The following CORIN variants were observed in gnomAD, a reference collection of about 807,000 sequenced individuals.
The protein encoded by CORIN is atrial natriuretic peptide-converting enzyme.
A neutral mutation model predicts 125.3 loss-of-function variants in CORIN; 117 were observed. The observed-to-expected ratio is 0.93, with a 90% CI of 0.80 to 1.09. The LOEUF (loss-of-function observed/expected upper bound fraction) is 1.09, where lower values mean the gene tolerates loss of function less well. Ranked by LOEUF, CORIN falls within the 50% of genes least tolerant of loss-of-function variation. CORIN has a pLI of 0.00. For missense variants in CORIN, 1,253 were observed against 1,306.7 expected (o/e 0.96, Z 0.63); for synonymous variants, 450 against 466.4 (o/e 0.96, Z 0.45).
intron 19 of CORIN, among the ~76,000 whole-genome samples, chr4:47,619,777 C>T (rs1722224081): frequency 1.3e-5 from 2 of 152,192 alleles, no homozygotes; most frequent in African/African-American, 2.4e-5. Context: ...ATAAAGAGTG[C>T]TGTTCCCTGA....
At chr4:47,641,552 T>G (rs1723229504) in intron 16 of CORIN, among the ~76,000 whole-genome samples, 1 of 152,214 alleles carries the variant, frequency 6.6e-6, no homozygotes, top group Non-Finnish European at 1.5e-5. Context: ...TTTAAAAATG[T>G]GTGTTGCTTA....
At position 47,603,490 on chromosome 4, in the gene CORIN, A is replaced by G; in HGVS notation, c.2719T>C (p.Tyr907His). The change falls in exon 20 of 22, where the codon TAC (tyrosine) becomes CAC (histidine). Residue 907 changes from tyrosine to histidine, a missense_variant. Tyr to His is a moderately conservative substitution (Grantham distance 83, BLOSUM62 2). Transcript: ENST00000273857. Reference protein sequence around the residue: ...ELSEDISETGYVRPVCLPNPE... With the variant: ...ELSEDISETGHVRPVCLPNPE... ...TTGGGCAAGCAGACAGGCCGGACGT[A>G]GCCAGTCTCACTGATGTCTTCACTC... 2 of 1,614,184 alleles carry G rather than the reference A, an allele frequency of 1.2e-6. No individual in the cohort carries two copies. Among genetic ancestry groups the G allele is most frequent in the African/African-American group, 1.3e-5 (1 of 75,036 alleles).
chr4:47,794,059 A>G (rs1476763463), intron 2 of CORIN, among the ~76,000 whole-genome samples: 1 of 152,216 alleles, frequency 6.6e-6, no homozygotes, highest in African/African-American at 2.4e-5. Context: ...GTGAATCTGC[A>G]ACAGAAAGCC....
At chr4:47,597,894 T>A (rs1233869857) in intron 21 of CORIN, among the ~76,000 whole-genome samples, 2 of 152,194 alleles carry the variant, frequency 1.3e-5, no homozygotes, top group East Asian at 3.8e-4. Context: ...GTAACAAGGA[T>A]AACCACATGA....
chr4:47,601,748 A>T (rs1315174924), intron 20 of CORIN, among the ~76,000 whole-genome samples: 2 of 152,206 alleles, frequency 1.3e-5, no homozygotes, highest in African/African-American at 2.4e-5. Flanking sequence ...TGGTGACAGC[A>T]TGTCTAACAT....
intron 10 of CORIN, among the ~76,000 whole-genome samples, chr4:47,669,595 G>C (rs1445376603): frequency 2.7e-5 from 4 of 147,072 alleles, no homozygotes; most frequent in Non-Finnish European, 5.9e-5. Context: ...TTGTGACAGA[G>C]TCTCGCTCTG....
chr4:47,668,611 T>C (rs1661763296), intron 10 of CORIN, among the ~76,000 whole-genome samples: 1 of 152,240 alleles, frequency 6.6e-6, no homozygotes, highest in South Asian at 2.1e-4. Flanking sequence ...TTTCTTTCCT[T>C]GTGCATACCC....
intron 1 of CORIN, among the ~76,000 whole-genome samples, chr4:47,825,056 G>A (rs188395515): frequency 3.5e-4 from 53 of 152,318 alleles, no homozygotes; most frequent in Middle Eastern, 3.4e-3. Context: ...GCTGGCCTGT[G>A]GCAAATGAGG....
intron 4 of CORIN, among the ~76,000 whole-genome samples, chr4:47,758,025 T>TGCCTCA (rs1232403068): frequency 5.1e-4 from 77 of 151,758 alleles, no homozygotes; most frequent in African/African-American, 1.8e-3. Context: ...GCCATCCTCC[T>TGCCTCA]GCCTCAGCCT....
chr4:47,772,287 G>A (rs959620798), intron 3 of CORIN, among the ~76,000 whole-genome samples: 3 of 152,212 alleles, frequency 2.0e-5, no homozygotes, highest in East Asian at 1.9e-4. Flanking sequence ...GAAATGAGCC[G>A]TAATATAGGC....
intron 13 of CORIN, among the ~76,000 whole-genome samples, chr4:47,649,654 T>C (rs976181249): frequency 1.3e-5 from 2 of 152,178 alleles, no homozygotes; most frequent in Non-Finnish European, 2.9e-5. Flanking sequence ...TAAGTAAGGA[T>C]GTAAATTCAA....
chr4:47,694,795 C>G (rs1725911780), intron 5 of CORIN, among the ~76,000 whole-genome samples: 2 of 151,940 alleles, frequency 1.3e-5, no homozygotes, highest in Non-Finnish European at 2.9e-5. Flanking sequence ...AGGAGGTTCT[C>G]GATTCAATGG....
rs61400928 is a variant in CORIN, at chr4:47,821,059, A to G, written c.64-14012T>C. Among the ~76,000 whole-genome samples, 542 of 152,188 alleles carry G rather than the reference A, an allele frequency of 3.6e-3. 3 individuals are homozygous for G. Among genetic ancestry groups the G allele is most frequent in the African/African-American group, 0.013 (527 of 41,524 alleles). ...AGCCCAGCCTGGCCAATATGGTGAA[A>G]TCCCGTCTCTGCTAAAAATACAAAA... On this transcript the variant is annotated intron_variant, in intron 1 of 21. Transcript: ENST00000273857.
chr4:47,629,169 A>G (rs1030513200), intron 16 of CORIN, among the ~76,000 whole-genome samples: 1 of 152,164 alleles, frequency 6.6e-6, no homozygotes, highest in African/African-American at 2.4e-5. Flanking sequence ...AAGAATATAT[A>G]GGGTTTCCCC....
chr4:47,595,795 C>A lies in CORIN; in HGVS notation c.3055G>T (p.Val1019Phe). The change falls in exon 22 of 22, where the codon GTT (valine) becomes TTT (phenylalanine). Residue 1019 changes from valine (V) to phenylalanine (F), a missense_variant. By Grantham distance (50) the Val-to-Phe change is conservative. Coordinates refer to ENST00000273857, the MANE Select transcript of CORIN (RefSeq NM_006587.4). The part of the protein sequence containing the change: ...VCFSKVLGPG[V>F]YSNVSYFVEW... ...ACGAAATATGACACATTACTATAAA[C>A]GCCAGGCCCCAGGACTTTGGAAAAG... 1 of 1,613,586 alleles carries A rather than the reference C, an allele frequency of 6.2e-7. No individual in the cohort carries two copies. Among genetic ancestry groups the A allele is most frequent in the Non-Finnish European group, 8.5e-7 (1 of 1,179,748 alleles).
chr4:47,759,669 T>C (rs528359506), intron 4 of CORIN, among the ~76,000 whole-genome samples: 8 of 152,334 alleles, frequency 5.3e-5, no homozygotes, highest in Admixed American at 5.2e-4. Context: ...ATCCCACCAC[T>C]GCTTTATCAA....
At chr4:47,753,729 T>C (rs774606736) in intron 4 of CORIN, among the ~76,000 whole-genome samples, 17 of 152,144 alleles carry the variant, frequency 1.1e-4, no homozygotes, top group Non-Finnish European at 1.9e-4. Context: ...CCTTGTTCCC[T>C]GAAAATCGCT....
intron 3 of CORIN, among the ~76,000 whole-genome samples, chr4:47,764,475 CTT>C (rs1729615038): frequency 6.6e-6 from 1 of 152,192 alleles, no homozygotes; most frequent in African/African-American, 2.4e-5. Context: ...TCCTTATTCT[CTT>C]GTCTGTATAA....
At chr4:47,685,932 T>C (rs991019023) in intron 6 of CORIN, among the ~76,000 whole-genome samples, 2 of 150,498 alleles carry the variant, frequency 1.3e-5, no homozygotes, top group Non-Finnish European at 2.9e-5. Context: ...ACTTGGCTGA[T>C]GAAGGCCAGA....
Sources: gnomAD v4.1 joint callset for allele counts (sites outside exome capture counted in the v4.1 genomes callset) on GRCh38, gnomAD v4.1.1 for gene constraint, MANE v1.5 for transcripts, NCBI Gene and HGNC (gene_info 2026-07-23, HGNC 2026-07-21) for gene names.